The following PARD3 variants were observed in gnomAD, a reference collection of about 807,000 sequenced individuals.
PARD3 encodes par-3 family cell polarity regulator.
In PARD3, 75 loss-of-function variants were observed where a neutral mutation model predicts 155.4. The ratio of observed to expected loss-of-function variants is 0.48; its 90% CI spans 0.40 to 0.58. PARD3 has a LOEUF of 0.58. PARD3 is among the 20% of genes least tolerant of loss of function. The pLI is 0.00. For missense variants in PARD3, 1,642 were observed against 1,721.7 expected (o/e 0.95, Z 0.82); for synonymous variants, 576 against 610.5 (o/e 0.94, Z 0.83).
chr10:34,612,664 C>A (rs1473226290), intron 2 of PARD3, among the ~76,000 whole-genome samples: 3 of 152,172 alleles, frequency 2.0e-5, no homozygotes, highest in Non-Finnish European at 4.4e-5. Context: ...CCCTAGAGGG[C>A]TATAGTGAGG....
chr10:34,785,085 T>G (rs1272752391), intron 1 of PARD3, among the ~76,000 whole-genome samples: 3 of 152,222 alleles, frequency 2.0e-5, no homozygotes, highest in African/African-American at 7.2e-5. Flanking sequence ...GCAGAAAAAT[T>G]CTATATGTGG....
At chr10:34,644,442 G>A (rs2092774206) in intron 2 of PARD3, among the ~76,000 whole-genome samples, 1 of 152,330 alleles carries the variant, frequency 6.6e-6, no homozygotes, top group African/African-American at 2.4e-5. Context: ...TTATTCTCTG[G>A]TGCCACAGCA....
At chr10:34,546,545 G>GT (rs1289546193) in intron 2 of PARD3, among the ~76,000 whole-genome samples, 27 of 115,138 alleles carry the variant, frequency 2.3e-4, no homozygotes, top group Admixed American at 4.3e-4. Context: ...TTTTGTTGTT[G>GT]TTTTTTTTTG....
At chr10:34,304,087 T>C (rs1337033776) in intron 20 of PARD3, among the ~76,000 whole-genome samples, 2 of 152,078 alleles carry the variant, frequency 1.3e-5, no homozygotes, top group Non-Finnish European at 2.9e-5. Flanking sequence ...TCCTCGTTTG[T>C]GTTCTGGAGC....
intron 20 of PARD3, among the ~76,000 whole-genome samples, chr10:34,304,058 G>A (rs1300794183): frequency 6.6e-6 from 1 of 152,152 alleles, no homozygotes; most frequent in African/African-American, 2.4e-5. Context: ...GGAGGAAAGA[G>A]GGCATTGTTT....
intron 3 of PARD3, among the ~76,000 whole-genome samples, chr10:34,510,224 C>T (rs552384511): frequency 6.6e-6 from 1 of 152,302 alleles, no homozygotes; most frequent in East Asian, 1.9e-4. Flanking sequence ...TTCTAGGTAG[C>T]CCACCTGCAG....
intron 5 of PARD3, among the ~76,000 whole-genome samples, chr10:34,411,147 C>A (rs886632836): frequency 6.6e-6 from 1 of 152,066 alleles, no homozygotes; most frequent in Admixed American, 6.6e-5. Flanking sequence ...CTCTAACAGA[C>A]AGAGATGGGG....
chr10:34,528,137 A>C (rs568771475), intron 2 of PARD3, among the ~76,000 whole-genome samples: 2 of 152,374 alleles, frequency 1.3e-5, no homozygotes, highest in East Asian at 3.9e-4. Context: ...TAAAAGAAAT[A>C]ACTTGCAAGT....
In PARD3 at chr10:34,431,740, C is replaced by CA. The variant is rs57001926; in HGVS notation, c.714+18576dup. Among the ~76,000 whole-genome samples the CA allele has an allele frequency of 2.7e-3, 68 of 25,198 alleles. 3 individuals are homozygous for CA. Among genetic ancestry groups the CA allele is most frequent in the East Asian group, 0.01 (7 of 676 alleles). The allele number at this position is 25,198 out of a possible 152,430, so 16.5% of individuals were successfully genotyped here. ...GGGTGACAGGAGCAAAACTCTGTCT[C>CA]AAAAAAAAAAAAAAAAAAAAAAAAA... On this transcript the variant is annotated intron_variant, in intron 5 of 24. Coordinates refer to ENST00000374788, the MANE Select transcript of PARD3 (RefSeq NM_001184785.2).
chr10:34,807,390 T>C (rs563818001), intron 1 of PARD3, among the ~76,000 whole-genome samples: 2 of 152,358 alleles, frequency 1.3e-5, no homozygotes, highest in African/African-American at 4.8e-5. Context: ...TATTGACATA[T>C]AATCACATAA....
intron 22 of PARD3, among the ~76,000 whole-genome samples, chr10:34,179,288 AAGGAT>A (rs368553035): frequency 5.3e-5 from 8 of 152,314 alleles, no homozygotes; most frequent in African/African-American, 1.7e-4. Flanking sequence ...GGGGCTCTGG[AAGGAT>A]AGCCCTCCAG....
intron 14 of PARD3, among the ~76,000 whole-genome samples, chr10:34,356,456 G>T (rs1402308865): frequency 2.6e-5 from 4 of 152,132 alleles, no homozygotes; most frequent in Admixed American, 6.5e-5. Flanking sequence ...AAGAACAAAA[G>T]ATTTTCTTTT....
At chr10:34,643,733 T>C (rs898903576) in intron 2 of PARD3, among the ~76,000 whole-genome samples, 1 of 152,122 alleles carries the variant, frequency 6.6e-6, no homozygotes, top group Non-Finnish European at 1.5e-5. Context: ...CTGGGCAACA[T>C]AGTGAGACTC....
At chr10:34,802,030 G>GT (rs1842878215) in intron 1 of PARD3, among the ~76,000 whole-genome samples, 1 of 152,120 alleles carries the variant, frequency 6.6e-6, no homozygotes, top group South Asian at 2.1e-4. Context: ...TGAAAAATGT[G>GT]TAAGTGATGC....
chr10:34,428,128 TC>T, intron 5 of PARD3, among the ~76,000 whole-genome samples: 1 of 152,068 alleles, frequency 6.6e-6, no homozygotes, highest in Non-Finnish European at 1.5e-5. Context: ...GAAGAATCTC[TC>T]CCGATCAACA....
At chr10:34,645,835 G>A (rs762228479) in intron 2 of PARD3, among the ~76,000 whole-genome samples, 12 of 152,274 alleles carry the variant, frequency 7.9e-5, no homozygotes, top group African/African-American at 2.2e-4. Context: ...TTATTAAAAC[G>A]TGTTACTATA....
intron 1 of PARD3, among the ~76,000 whole-genome samples, chr10:34,752,176 G>A (rs1836121749): frequency 6.6e-6 from 1 of 151,722 alleles, no homozygotes; most frequent in African/African-American, 2.4e-5. Context: ...TTCTAAGGTT[G>A]CTGCAAAACT....
chr10:34,729,530 CAAAAAA>C (rs56210783), intron 1 of PARD3, among the ~76,000 whole-genome samples: 1 of 111,494 alleles, frequency 9.0e-6, no homozygotes, highest in Non-Finnish European at 1.8e-5. Context: ...GACTCCATCT[CAAAAAA>C]AAAAAAAAAG....
intron 5 of PARD3, among the ~76,000 whole-genome samples, chr10:34,430,831 A>G (rs1036426019): frequency 6.6e-6 from 1 of 152,206 alleles, no homozygotes; most frequent in Non-Finnish European, 1.5e-5. Flanking sequence ...AATGCCTCAG[A>G]AAGTCAAATC....
Sources: gnomAD v4.1 joint callset for allele counts (sites outside exome capture counted in the v4.1 genomes callset) on GRCh38, gnomAD v4.1.1 for gene constraint, MANE v1.5 for transcripts, NCBI Gene and HGNC (gene_info 2026-07-23, HGNC 2026-07-21) for gene names.